The following GARRE1 variants were observed in gnomAD, a reference collection of about 807,000 sequenced individuals.
The protein encoded by GARRE1 is granule associated Rac and RHOG effector 1.
GARRE1 carries 49 observed loss-of-function variants against 103.2 expected under a neutral mutation model. That is an observed-to-expected ratio of 0.47 (90% confidence interval 0.38 to 0.60). The LOEUF is 0.60. Ranked by LOEUF, GARRE1 falls within the 20% of genes least tolerant of loss-of-function variation. GARRE1 has a pLI of 0.00. For missense variants in GARRE1, 1,199 were observed against 1,370.5 expected (o/e 0.87, Z 1.98); for synonymous variants, 505 against 532.8 (o/e 0.95, Z 0.72).
At chr19:34,307,648 CATACTTATATATACATAT>C (rs57219829) in intron 2 of GARRE1, among the ~76,000 whole-genome samples, 9,236 of 132,434 alleles carry the variant, frequency 0.07, 1,056 homozygotes, top group African/African-American at 0.23. Flanking sequence ...CTTATATATA[CATACTTATATATACATAT>C]ATACTTATAT....
At chr19:34,265,177 A>G (rs1334032658) in intron 1 of GARRE1, among the ~76,000 whole-genome samples, 2 of 152,212 alleles carry the variant, frequency 1.3e-5, no homozygotes, top group East Asian at 1.9e-4. Flanking sequence ...AATTATGGCC[A>G]GGAAACCTGG....
In GARRE1 at chr19:34,289,272, A is replaced by C. The variant is rs151201244; in HGVS notation, c.-795-10407A>C. Among the ~76,000 whole-genome samples the C allele has an allele frequency of 3.4e-3, 519 of 152,218 alleles. 5 individuals carry two copies. Among genetic ancestry groups the C allele is most frequent in the African/African-American group, 0.012 (498 of 41,536 alleles). The stretch of plus-strand genomic sequence containing the variant: ...ACATGGTGAAACCCTATCTCTACCA[A>C]AAATACAAAAATTAGCTGGGCTTGG... On this transcript the variant is annotated intron_variant, in intron 1 of 13. Transcript: ENST00000299505.
chr19:34,341,679 G>A lies in GARRE1; in HGVS notation c.1745G>A (p.Gly582Asp). ...TCCGAAGAGAAGGCCAAAATGCCTGGCAATATTGATACAAGGTTACAAAGC... is the reference window on the plus strand; with the variant it reads ...TCCGAAGAGAAGGCCAAAATGCCTGACAATATTGATACAAGGTTACAAAGC... ...GCSEEKAKMP[G>D]NIDTRLQSIL... is the part of the protein sequence containing the mutation. Residue 582 changes from glycine (G) to aspartate (D), a missense_variant, in exon 10 of 14, where the codon GGC becomes GAC. By Grantham distance (94) the Gly-to-Asp change is moderately conservative. Coordinates refer to ENST00000299505, the MANE Select transcript of GARRE1 (RefSeq NM_014686.5). The A allele has an allele frequency of 2.5e-6, 4 of 1,614,152 alleles. No homozygotes were observed. The highest frequency in any genetic ancestry group is 3.4e-6 in the Non-Finnish European group (4 of 1,180,034).
At chr19:34,333,001 G>A (rs553597365) in intron 7 of GARRE1, among the ~76,000 whole-genome samples, 62 of 152,144 alleles carry the variant, frequency 4.1e-4, no homozygotes, top group African/African-American at 1.4e-3. Flanking sequence ...CCACTTCTGG[G>A]CGTGTCATGA....
chr19:34,273,209 T>G (rs1376163394), intron 1 of GARRE1, among the ~76,000 whole-genome samples: 2 of 152,062 alleles, frequency 1.3e-5, no homozygotes, highest in African/African-American at 4.8e-5. Context: ...GTCTTGAAAA[T>G]AAATAAATAA....
intron 2 of GARRE1, among the ~76,000 whole-genome samples, chr19:34,313,869 TGG>T (rs1442645484): frequency 7.2e-5 from 11 of 152,176 alleles, no homozygotes; most frequent in Non-Finnish European, 1.5e-4. Flanking sequence ...GATGTGATCT[TGG>T]CTCACTGCAA....
chr19:34,283,372 C>T (rs974901152), intron 1 of GARRE1, among the ~76,000 whole-genome samples: 2 of 152,166 alleles, frequency 1.3e-5, no homozygotes, highest in African/African-American at 2.4e-5. Flanking sequence ...GATTGGGTAA[C>T]TTTTCAAGAC....
At chr19:34,348,960 T>TGGCGG in intron 11 of GARRE1, 56 bp from the exon 12 acceptor site, 1 of 1,595,590 alleles carries the variant, frequency 6.3e-7, no homozygotes, top group Non-Finnish European at 8.5e-7. Context: ...CAGGGTGGGG[T>TGGCGG]GGCGGGTGGT....
At chr19:34,350,605 G>A (rs191040461) in intron 12 of GARRE1, among the ~76,000 whole-genome samples, 77 of 152,024 alleles carry the variant, frequency 5.1e-4, no homozygotes, top group Non-Finnish European at 1.0e-3. Context: ...TTTTTGAGAC[G>A]GAGTCTCGCT....
Position 34,319,966 on chromosome 19 carries a change from G to A in GARRE1, c.555G>A (p.Ala185=), listed in dbSNP as rs375356637. The A allele has an allele frequency of 3.5e-5, 56 of 1,614,220 alleles. No homozygotes were observed. The Middle Eastern group carries it at 4.9e-4, about 14-fold the overall frequency. The change falls in exon 3 of 14, where the codon GCG becomes GCA. Residue 185 remains alanine (A), a synonymous_variant. Coordinates refer to ENST00000299505, the MANE Select transcript of GARRE1 (RefSeq NM_014686.5). ...TCCATTTCCAGTTTTTGACTCATGCGTTACAGAAGGTCCAGCCGGTGGCTC... is the reference window on the plus strand; with the variant it reads ...TCCATTTCCAGTTTTTGACTCATGCATTACAGAAGGTCCAGCCGGTGGCTC... ...VQVHFQFLTH[A]LQKVQPVAHS... is the part of the protein sequence containing the mutation.
intron 1 of GARRE1, among the ~76,000 whole-genome samples, chr19:34,261,928 A>T (rs1414569748): frequency 6.6e-6 from 1 of 151,980 alleles, no homozygotes; most frequent in African/African-American, 2.4e-5. Flanking sequence ...CAACCCTTTG[A>T]TGTAGGTACT....
intron 8 of GARRE1, among the ~76,000 whole-genome samples, chr19:34,336,603 G>A (rs1279288931): frequency 6.6e-6 from 1 of 151,960 alleles, no homozygotes; most frequent in Admixed American, 6.6e-5. Flanking sequence ...GAGTAGCTGG[G>A]ATTACAGGCA....
intron 12 of GARRE1, among the ~76,000 whole-genome samples, chr19:34,351,092 G>A (rs1453650054): frequency 6.6e-6 from 1 of 151,472 alleles, no homozygotes; most frequent in East Asian, 2.0e-4. Context: ...CCAGCTACTC[G>A]GGACGCTGAG....
In GARRE1 at chr19:34,352,711, C is replaced by T. The variant is rs137912455; in HGVS notation, c.2969C>T (p.Thr990Met). 4.0e-5 allele frequency: 64 copies of T among 1,613,964 alleles called. No homozygotes were observed. Among genetic ancestry groups the T allele is most frequent in the South Asian group, 1.8e-4 (16 of 91,084 alleles). The change falls in exon 14 of 14, where the codon ACG (threonine) becomes ATG (methionine). Residue 990 changes from threonine (T) to methionine (M), a missense_variant. Thr to Met is a moderately conservative substitution (Grantham distance 81). Coordinates refer to ENST00000299505, the MANE Select transcript of GARRE1 (RefSeq NM_014686.5). The stretch of plus-strand genomic sequence containing the variant: ...CAGCACCCTTCCCCGCTTCCCAGCA[C>T]GCTGCCCAGCCCCAGCGCACCACTC... ...PWQHPSPLPS[T>M]LPSPSAPLYA...
chr19:34,352,743 G>A lies in GARRE1; in HGVS notation c.3001G>A (p.Val1001Ile). ...CAGCCCCAGCGCACCACTCTATGCA[G>A]TCACCAGCCCTGGCAGCCAGTGGAA... is the stretch of plus-strand genomic sequence containing the variant. Reference protein sequence around the residue: ...LPSPSAPLYAVTSPGSQWNDT... With the variant: ...LPSPSAPLYAITSPGSQWNDT... Residue 1001 changes from valine to isoleucine, a missense_variant, in exon 14 of 14, where the codon GTC (valine) becomes ATC (isoleucine). By Grantham distance (29) the Val-to-Ile change is conservative (BLOSUM62 3). Transcript: ENST00000299505. 2 of 1,614,090 alleles carry A rather than the reference G, an allele frequency of 1.2e-6. No homozygotes were observed. The highest frequency in any genetic ancestry group is 1.7e-6 in the Non-Finnish European group (2 of 1,180,018).
At chr19:34,290,138 C>T (rs1160718330) in intron 1 of GARRE1, among the ~76,000 whole-genome samples, 1 of 152,174 alleles carries the variant, frequency 6.6e-6, no homozygotes, top group African/African-American at 2.4e-5. Context: ...AGGAGGATCG[C>T]TTGAGCTCAG....
intron 2 of GARRE1, among the ~76,000 whole-genome samples, chr19:34,311,290 T>G (rs2074035064): frequency 6.6e-6 from 1 of 152,234 alleles, no homozygotes; most frequent in Admixed American, 6.5e-5. Context: ...TCCTTAAAGC[T>G]GGGAGTGGTC....
intron 6 of GARRE1, 43 bp downstream of exon 6, chr19:34,328,194 A>G (rs1292409493): frequency 1.9e-6 from 3 of 1,597,878 alleles, no homozygotes; most frequent in East Asian, 2.2e-5. Context: ...TGAACTTGAA[A>G]ATAGAGTTCT....
intron 10 of GARRE1, among the ~76,000 whole-genome samples, chr19:34,342,993 A>G (rs2074194438): frequency 6.6e-6 from 1 of 152,170 alleles, no homozygotes; most frequent in Non-Finnish European, 1.5e-5. Flanking sequence ...ACAAACTAGG[A>G]GGAGGAATTA....
Sources: allele counts gnomAD v4.1 joint callset (sites outside exome capture counted in the v4.1 genomes callset), GRCh38; gene constraint gnomAD v4.1.1; transcripts MANE v1.5; gene names NCBI Gene and HGNC (gene_info 2026-07-23, HGNC 2026-07-21).